GRIA4: variants seen among roughly 807,000 people sequenced by gnomAD.
The protein encoded by GRIA4 is glutamate receptor 4.
Under a neutral mutation model 104.0 loss-of-function variants are expected in GRIA4, and 34 were observed. That is an observed-to-expected ratio of 0.33 (90% CI 0.25 to 0.44). The LOEUF (loss-of-function observed/expected upper bound fraction) is 0.44, where lower values mean the gene tolerates loss of function less well. GRIA4 is among the 20% of genes least tolerant of loss of function. The pLI, the probability that GRIA4 is intolerant of heterozygous loss-of-function variation, is 1.00. For missense variants in GRIA4, 750 were observed against 1,096.5 expected (o/e 0.68, Z 4.46); for synonymous variants, 386 against 381.9 (o/e 1.01, Z -0.13).
At chr11:105,794,510 T>TATACAC (rs1942392036) in intron 4 of GRIA4, among the ~76,000 whole-genome samples, 1 of 121,672 alleles carries the variant, frequency 8.2e-6, no homozygotes, top group African/African-American at 3.3e-5. Context: ...TATATATATA[T>TATACAC]ATACATATAC....
intron 7 of GRIA4, among the ~76,000 whole-genome samples, chr11:105,899,032 A>C (rs1025908728): frequency 3.3e-5 from 5 of 152,160 alleles, no homozygotes; most frequent in East Asian, 1.9e-4. Context: ...ATTCCAACTT[A>C]GTGGTTTGAG....
chr11:105,798,103 C>A (rs888780739), intron 4 of GRIA4, among the ~76,000 whole-genome samples: 5 of 151,794 alleles, frequency 3.3e-5, no homozygotes, highest in Non-Finnish European at 7.4e-5. Flanking sequence ...CACACACATA[C>A]ACACACACAC....
chr11:105,936,475 T>C (rs1948038901), intron 14 of GRIA4, among the ~76,000 whole-genome samples: 1 of 152,190 alleles, frequency 6.6e-6, no homozygotes, highest in South Asian at 2.1e-4. Context: ...TCATTAACAA[T>C]GGCTTTCTCA....
At chr11:105,772,242 G>A (rs1941241909) in intron 4 of GRIA4, among the ~76,000 whole-genome samples, 2 of 152,170 alleles carry the variant, frequency 1.3e-5, no homozygotes, top group East Asian at 1.9e-4. Flanking sequence ...CCTGAATAAC[G>A]CCAACGTACC....
chr11:105,816,839 C>G (rs1943395434), intron 4 of GRIA4, among the ~76,000 whole-genome samples: 1 of 151,898 alleles, frequency 6.6e-6, no homozygotes, highest in South Asian at 2.1e-4. Context: ...TAGTGAGACC[C>G]CATGTCTACA....
chr11:105,861,751 A>C (rs1031367622), intron 4 of GRIA4, among the ~76,000 whole-genome samples: 1 of 152,182 alleles, frequency 6.6e-6, no homozygotes, highest in African/African-American at 2.4e-5. Context: ...TCATCAAAAA[A>C]ATGTCTACAG....
At chr11:105,910,293 A>G in intron 9 of GRIA4, 142 bp from the exon 10 acceptor site, 2 of 598,800 alleles carry the variant, frequency 3.3e-6, no homozygotes, top group South Asian at 2.0e-5. Context: ...ACTTCTGAAC[A>G]CTTTTTTTTT....
intron 14 of GRIA4, among the ~76,000 whole-genome samples, chr11:105,936,926 C>T (rs1191148727): frequency 6.6e-6 from 1 of 152,166 alleles, no homozygotes; most frequent in Non-Finnish European, 1.5e-5. Context: ...AACCACTGAT[C>T]TATCACTTAC....
At chr11:105,725,111 A>C (rs569042971) in intron 3 of GRIA4, among the ~76,000 whole-genome samples, 2 of 152,258 alleles carry the variant, frequency 1.3e-5, no homozygotes, top group South Asian at 4.1e-4. Flanking sequence ...ATTCATTCAT[A>C]TCCTGTTAAA....
intron 3 of GRIA4, among the ~76,000 whole-genome samples, chr11:105,719,176 G>C (rs1954208942): frequency 6.6e-6 from 1 of 152,026 alleles, no homozygotes; most frequent in South Asian, 2.1e-4. Flanking sequence ...TGAGAGTTCG[G>C]TAAGTGCTAC....
chr11:105,644,589 G>C (rs1168984744), intron 3 of GRIA4, among the ~76,000 whole-genome samples: 1 of 152,100 alleles, frequency 6.6e-6, no homozygotes, highest in Non-Finnish European at 1.5e-5. Context: ...GGGTGAAAGA[G>C]CCAGACTCCA....
chr11:105,844,137 A>G (rs1182165032), intron 4 of GRIA4, among the ~76,000 whole-genome samples: 1 of 152,198 alleles, frequency 6.6e-6, no homozygotes, highest in Non-Finnish European at 1.5e-5. Context: ...TAAATTGTAC[A>G]GTCACCCTAC....
chr11:105,720,118 ATT>A (rs879725172), intron 3 of GRIA4, among the ~76,000 whole-genome samples: 1 of 144,870 alleles, frequency 6.9e-6, no homozygotes, highest in Non-Finnish European at 1.5e-5. Flanking sequence ...CTAAACCAGT[ATT>A]TTTTTTTTTT....
At chr11:105,617,046 T>A (rs1333669061) in intron 3 of GRIA4, among the ~76,000 whole-genome samples, 2 of 150,730 alleles carry the variant, frequency 1.3e-5, no homozygotes, top group African/African-American at 4.8e-5. Flanking sequence ...ACTCCTAATT[T>A]TTTTTCAATC....
intron 3 of GRIA4, among the ~76,000 whole-genome samples, chr11:105,635,387 C>G (rs527439714): frequency 2.5e-4 from 38 of 152,152 alleles, no homozygotes; most frequent in African/African-American, 9.2e-4. Context: ...AAAGATCTGT[C>G]TTAGTGCTGA....
intron 4 of GRIA4, 135 bp from the exon 5 acceptor site, chr11:105,861,889 A>G: frequency 1.6e-6 from 1 of 617,948 alleles, no homozygotes. Context: ...ATTCAGAAAT[A>G]ACCACACAGA....
At chr11:105,721,987 A>G (rs554132962) in intron 3 of GRIA4, among the ~76,000 whole-genome samples, 2 of 152,316 alleles carry the variant, frequency 1.3e-5, no homozygotes, top group South Asian at 4.1e-4. Context: ...AAAAGAATAT[A>G]TATAAATCAT....
chr11:105,916,489 A>G (rs1201523074), intron 10 of GRIA4, among the ~76,000 whole-genome samples: 1 of 152,216 alleles, frequency 6.6e-6, no homozygotes, highest in African/African-American at 2.4e-5. Context: ...TTACAAAAAA[A>G]TTATAGTGAC....
At chr11:105,660,601 C>T (rs1173059447) in intron 3 of GRIA4, among the ~76,000 whole-genome samples, 1 of 151,310 alleles carries the variant, frequency 6.6e-6, no homozygotes, top group East Asian at 1.9e-4. Flanking sequence ...GATGAAGTCT[C>T]ATGATAATTT....
Sources: gnomAD v4.1 joint callset for allele counts (sites outside exome capture counted in the v4.1 genomes callset) on GRCh38, gnomAD v4.1.1 for gene constraint, MANE v1.5 for transcripts, NCBI Gene and HGNC (gene_info 2026-07-23, HGNC 2026-07-21) for gene names.